The following ALMS1 variants were observed in gnomAD, a reference collection of about 807,000 sequenced individuals.
ALMS1 encodes ALMS1 centrosome and basal body associated protein.
Under a neutral mutation model 352.2 loss-of-function variants are expected in ALMS1, and 271 were observed. The ratio of observed to expected loss-of-function variants is 0.77; its 90% CI spans 0.70 to 0.85. The LOEUF (loss-of-function observed/expected upper bound fraction) is 0.85. ALMS1 is among the 40% of genes least tolerant of loss of function. The pLI, the probability that ALMS1 is intolerant of heterozygous loss-of-function variation, is 0.00. For synonymous variants in ALMS1, 1,865 were observed against 1,761.2 expected, an observed-to-expected ratio of 1.06 and a Z score of -1.48; for missense variants, 5,445 against 4,870.7, an observed-to-expected ratio of 1.12 and a Z score of -3.51.
At chr2:73,538,061 C>T (rs576545523) in intron 12 of ALMS1, among the ~76,000 whole-genome samples, 33 of 152,086 alleles carry the variant, frequency 2.2e-4, no homozygotes, top group African/African-American at 7.7e-4. Flanking sequence ...ATATGGGAGA[C>T]TTTATCAAAA....
chr2:73,531,051 A>C (rs904873139), intron 11 of ALMS1, among the ~76,000 whole-genome samples: 1 of 152,172 alleles, frequency 6.6e-6, no homozygotes, highest in East Asian at 1.9e-4. Flanking sequence ...CCCTGGAGAC[A>C]TTTTCCCCAT....
chr2:73,542,721 C>T (rs1305981514), intron 12 of ALMS1, among the ~76,000 whole-genome samples: 1 of 152,082 alleles, frequency 6.6e-6, no homozygotes, highest in Non-Finnish European at 1.5e-5. Context: ...ACACCAATAG[C>T]AGACAAACCG....
chr2:73,455,276 G>A lies in ALMS1; in HGVS notation c.7655G>A (p.Arg2552Lys). The change falls in exon 9 of 23, where the codon AGA becomes AAA. Residue 2552 changes from arginine (R) to lysine (K), a missense_variant. Arg to Lys is a conservative substitution (Grantham distance 26). Coordinates refer to ENST00000613296, the MANE Select transcript of ALMS1 (RefSeq NM_001378454.1). ...EIKAELFGHG[R>K]TTDLSKGLQS... The stretch of plus-strand genomic sequence containing the variant: ...AAGGCAGAGTTATTTGGTCATGGAA[G>A]AACAACTGACTTGTCCAAGGTATAA... 2 of 1,614,112 alleles carry A rather than the reference G, an allele frequency of 1.2e-6. No individual in the cohort carries two copies. The highest frequency in any genetic ancestry group is 1.7e-6 in the Non-Finnish European group (2 of 1,180,000).
At chr2:73,476,188 TTCTTAAAATTC>T (rs1442556318) in intron 9 of ALMS1, among the ~76,000 whole-genome samples, 1 of 152,092 alleles carries the variant, frequency 6.6e-6, no homozygotes, top group African/African-American at 2.4e-5. Context: ...CAGTAGTATA[TTCTTAAAATTC>T]ACCCATGTTG....
chr2:73,429,483 A>T (rs1301553763), intron 6 of ALMS1, among the ~76,000 whole-genome samples: 3 of 151,922 alleles, frequency 2.0e-5, no homozygotes, highest in Non-Finnish European at 4.4e-5. Flanking sequence ...GGGTTTCACC[A>T]TGTTGGACAG....
intron 13 of ALMS1, among the ~76,000 whole-genome samples, chr2:73,555,695 C>T (rs1328400353): frequency 6.6e-6 from 1 of 152,148 alleles, no homozygotes; most frequent in Non-Finnish European, 1.5e-5. Context: ...TTATAATGCA[C>T]ACCACCTGCA....
Position 73,490,056 on chromosome 2 carries a change from A to G in ALMS1, c.8097A>G (p.Ser2699=). Residue 2699 remains serine, a synonymous_variant, in exon 10 of 23, where the codon TCA becomes TCG. Coordinates refer to ENST00000613296, the MANE Select transcript of ALMS1 (RefSeq NM_001378454.1). ...CTAAAGAAGTGGATTTTCATTCTTC[A>G]TCACAAATGCCGTCCCCAGAACCCA... The part of the protein sequence containing the change: ...VPPKEVDFHS[S]SQMPSPEPMK... 1 of 1,614,212 alleles carries G rather than the reference A, an allele frequency of 6.2e-7. No homozygotes were observed. The highest frequency in any genetic ancestry group is 8.5e-7 in the Non-Finnish European group (1 of 1,180,032).
chr2:73,592,575 G>T (rs1675456034), intron 16 of ALMS1, among the ~76,000 whole-genome samples: 1 of 152,086 alleles, frequency 6.6e-6, no homozygotes, highest in African/African-American at 2.4e-5. Flanking sequence ...GTAAACCCAT[G>T]CCTCTAAAGG....
intron 7 of ALMS1, among the ~76,000 whole-genome samples, chr2:73,437,258 T>A (rs1572922969): frequency 6.6e-6 from 1 of 152,134 alleles, no homozygotes; most frequent in Non-Finnish European, 1.5e-5. Flanking sequence ...TGGGGGCAGG[T>A]TCATTGGTCT....
chr2:73,471,276 C>G (rs1054788532), intron 9 of ALMS1, among the ~76,000 whole-genome samples: 1 of 148,060 alleles, frequency 6.8e-6, no homozygotes, highest in African/African-American at 2.5e-5. Context: ...TTGTGGTTAC[C>G]AAAGTCTTAA....
chr2:73,518,981 G>A (rs1377866692), intron 10 of ALMS1, among the ~76,000 whole-genome samples: 4 of 152,078 alleles, frequency 2.6e-5, no homozygotes, highest in East Asian at 3.8e-4. Flanking sequence ...TGGTGTCTTC[G>A]TCGTGAAATT....
intron 9 of ALMS1, among the ~76,000 whole-genome samples, chr2:73,464,888 A>C (rs760854595): frequency 6.6e-6 from 1 of 152,146 alleles, no homozygotes; most frequent in South Asian, 2.1e-4. Flanking sequence ...CCAACTTACA[A>C]GGGATGGAAG....
At chr2:73,478,511 A>G (rs953705144) in intron 9 of ALMS1, among the ~76,000 whole-genome samples, 11 of 152,250 alleles carry the variant, frequency 7.2e-5, no homozygotes, top group Admixed American at 6.5e-4. Flanking sequence ...AAATTCGGAT[A>G]TTTGCTTCCC....
chr2:73,490,510 A>C lies in ALMS1; in HGVS notation c.8551A>C (p.Ser2851Arg). The change falls in exon 10 of 23, where the codon AGT (serine) becomes CGT (arginine). Residue 2851 changes from serine to arginine, a missense_variant. Transcript: ENST00000613296. ...NHTLISMGRPSSTLGVNRSSS... is the reference protein window; with the variant it reads ...NHTLISMGRPRSTLGVNRSSS... ...TACCCTTATTAGCATGGGCAGACCA[A>C]GTTCCACCCTAGGAGTAAACAGATC... is the stretch of plus-strand genomic sequence containing the variant. 3 of 1,614,182 alleles carry C rather than the reference A, an allele frequency of 1.9e-6. No individual in the cohort carries two copies. Among genetic ancestry groups the C allele is most frequent in the Non-Finnish European group, 2.5e-6 (3 of 1,180,032 alleles).
chr2:73,424,613 A>G lies in ALMS1; in HGVS notation c.948A>G (p.Glu316=), dbSNP rs776335905. ...CTCAGTGCCCTTTTTTACCTTCTGA[A>G]CAAGGGAATAATGAAGAGACTATTT... The part of the protein sequence containing the change: ...VGSQCPFLPS[E]QGNNEETISS... Residue 316 remains glutamate (E), a synonymous_variant, in exon 5 of 23, where the codon GAA becomes GAG. Transcript: ENST00000613296. 2 of 1,614,002 alleles carry G rather than the reference A, an allele frequency of 1.2e-6. No homozygotes were observed. Among genetic ancestry groups the G allele is most frequent in the East Asian group, 2.2e-5 (1 of 44,844 alleles).
rs1361923069 is a variant in ALMS1, at chr2:73,491,344, C to CA, written c.9386dup (p.Pro3130AlafsTer7). 6 of 1,614,062 alleles carry CA rather than the reference C, an allele frequency of 3.7e-6. No individual in the cohort carries two copies. In the African/African-American group the frequency reaches 8.0e-5, roughly 22 times the overall value. ...ATCTTCACTGGATTTCCAAGTCGTA[C>CA]AGCCTTCTCTTCCAGACAGTAACAC... On this transcript the variant is annotated frameshift_variant, in exon 10 of 23. Transcript: ENST00000613296. LOFTEE classifies it high-confidence loss of function.
intron 16 of ALMS1, among the ~76,000 whole-genome samples, chr2:73,580,375 TA>T (rs1427282302): frequency 6.6e-6 from 1 of 152,234 alleles, no homozygotes; most frequent in African/African-American, 2.4e-5. Context: ...TTTTTCATTT[TA>T]GCTCTTGTAC....
At chr2:73,607,174 G>A (rs1023698222) in intron 21 of ALMS1, among the ~76,000 whole-genome samples, 8 of 152,138 alleles carry the variant, frequency 5.3e-5, no homozygotes, top group African/African-American at 1.7e-4. Context: ...CCCTCAAATT[G>A]TTAATCATAC....
At position 73,448,570 on chromosome 2, in the gene ALMS1, G is replaced by C. The variant is rs768424205; in HGVS notation, c.2043G>C (p.Gln681His). ...AGGACCTCCTCTTTTTCTATCGACA[G>C]ACCTTGCCAGATGGTCATCTAACTG... ...HVEDLLFFYR[Q>H]TLPDGHLTDQ... Residue 681 changes from glutamine to histidine, a missense_variant, in exon 8 of 23, where the codon CAG becomes CAC. By Grantham distance (24) the Gln-to-His change is conservative. Transcript: ENST00000613296. 1.9e-6 allele frequency: 3 copies of C among 1,613,748 alleles called. No individual in the cohort carries two copies. The highest frequency in any genetic ancestry group is 2.5e-6 in the Non-Finnish European group (3 of 1,179,896).
Sources: gnomAD v4.1 joint callset for allele counts (sites outside exome capture counted in the v4.1 genomes callset) on GRCh38, gnomAD v4.1.1 for gene constraint, MANE v1.5 for transcripts, NCBI Gene and HGNC (gene_info 2026-07-23, HGNC 2026-07-21) for gene names.